SUPT3H: variants seen among roughly 807,000 people sequenced by gnomAD.
SUPT3H encodes SPT3 homolog, SAGA and STAGA complex component.
In SUPT3H, 44 loss-of-function variants were observed where a neutral mutation model predicts 44.3. The observed-to-expected ratio is 0.99, with a 90% confidence interval of 0.78 to 1.28. The LOEUF is 1.28. Ranked by LOEUF, SUPT3H falls within the 50% of genes most tolerant of loss-of-function variation. The pLI, the probability that SUPT3H is intolerant of heterozygous loss-of-function variation, is 0.00. For missense variants in SUPT3H, 380 were observed against 387.1 expected (o/e 0.98, Z 0.15); for synonymous variants, 124 against 125.6 (o/e 0.99, Z 0.09).
intron 2 of SUPT3H, among the ~76,000 whole-genome samples, chr6:45,204,910 C>T (rs1274197860): frequency 6.6e-6 from 1 of 152,172 alleles, no homozygotes; most frequent in Admixed American, 6.5e-5. Flanking sequence ...GATTCAGACC[C>T]TTCTTATTCC....
intron 2 of SUPT3H, among the ~76,000 whole-genome samples, chr6:45,343,704 A>T (rs1440750637): frequency 1.3e-5 from 2 of 152,152 alleles, no homozygotes; most frequent in Non-Finnish European, 2.9e-5. Context: ...AGCTTGTGAA[A>T]AGCCTTGATG....
intron 2 of SUPT3H, among the ~76,000 whole-genome samples, chr6:45,255,730 A>C (rs72858517): frequency 0.23 from 34,554 of 152,044 alleles, 4,612 homozygotes; most frequent in Non-Finnish European, 0.31. Flanking sequence ...GACTAGGTAG[A>C]TACTATTATT....
intron 10 of SUPT3H, among the ~76,000 whole-genome samples, chr6:44,857,675 C>A (rs1773962581): frequency 6.6e-6 from 1 of 152,068 alleles, no homozygotes; most frequent in Non-Finnish European, 1.5e-5. Context: ...ATTTTTCTTA[C>A]CTAGGATTAC....
rs569146815 is a variant in SUPT3H, at chr6:45,266,343, T to C, written c.101+98858A>G. 5.9e-5 allele frequency among the ~76,000 whole-genome samples: 9 copies of C among 152,002 alleles called. No homozygotes were observed. In the South Asian group the frequency reaches 1.7e-3, roughly 28 times the overall value. On this transcript the variant is annotated intron_variant, in intron 2 of 10. Transcript: ENST00000371459. ...CATGGACATCATAAATAATGAGTGC[T>C]TAGGACTTGGTAAAAATTTCTAATG...
chr6:45,195,771 A>T (rs1283828517), intron 2 of SUPT3H, among the ~76,000 whole-genome samples: 1 of 152,066 alleles, frequency 6.6e-6, no homozygotes, highest in Non-Finnish European at 1.5e-5. Flanking sequence ...TAGGGTACAT[A>T]TTATTTCTTT....
intron 9 of SUPT3H, among the ~76,000 whole-genome samples, chr6:44,946,426 C>T (rs1257671172): frequency 1.3e-5 from 2 of 152,148 alleles, no homozygotes; most frequent in African/African-American, 4.8e-5. Flanking sequence ...GGAAAGGATT[C>T]ATTATTCTAC....
rs1354056230 is a variant in SUPT3H at position 45,228,469 on chromosome 6, GGTT to G, written c.102-122466_102-122464del. Among the ~76,000 whole-genome samples the G allele has an allele frequency of 4.1e-3, 630 of 152,134 alleles. 5 individuals are homozygous for G. The highest frequency in any genetic ancestry group is 0.015 in the African/African-American group (604 of 41,486). On this transcript the variant is annotated intron_variant, in intron 2 of 10. Transcript: ENST00000371459. Reference sequence around the variant, plus strand: ...TAAACCTGAAACATTGCCTTTTCCTGGTTATATAGGAGCTTCTAGCCTTCAGAT... The same window carrying G: ...TAAACCTGAAACATTGCCTTTTCCTGATATAGGAGCTTCTAGCCTTCAGAT...
At chr6:45,009,263 T>C (rs531748396) in intron 5 of SUPT3H, among the ~76,000 whole-genome samples, 1 of 152,300 alleles carries the variant, frequency 6.6e-6, no homozygotes, top group Non-Finnish European at 1.5e-5. Flanking sequence ...AACATAAAAC[T>C]TTTAAAATTG....
intron 2 of SUPT3H, among the ~76,000 whole-genome samples, chr6:45,111,682 T>C (rs577874166): frequency 4.1e-4 from 63 of 152,294 alleles, no homozygotes; most frequent in African/African-American, 1.2e-3. Flanking sequence ...ATATGGGAAA[T>C]TTATTCCTTC....
chr6:45,329,404 C>T (rs1787001757), intron 2 of SUPT3H, among the ~76,000 whole-genome samples: 1 of 151,838 alleles, frequency 6.6e-6, no homozygotes, highest in East Asian at 1.9e-4. Flanking sequence ...TTATGATAAG[C>T]ACATCACAGC....
At chr6:45,079,505 G>T (rs2153557622) in intron 3 of SUPT3H, among the ~76,000 whole-genome samples, 1 of 151,802 alleles carries the variant, frequency 6.6e-6, no homozygotes, top group South Asian at 2.1e-4. Flanking sequence ...AAAAAGGAAG[G>T]AAGGAAAAAA....
chr6:45,062,693 G>A (rs1441188488), intron 3 of SUPT3H, among the ~76,000 whole-genome samples: 1 of 152,166 alleles, frequency 6.6e-6, no homozygotes, highest in East Asian at 1.9e-4. Context: ...TCAAAGAAAG[G>A]GGTGACGGAC....
At chr6:45,300,630 G>C (rs1234733231) in intron 2 of SUPT3H, among the ~76,000 whole-genome samples, 2 of 152,166 alleles carry the variant, frequency 1.3e-5, no homozygotes, top group African/African-American at 2.4e-5. Flanking sequence ...TGGGTTTGGA[G>C]TTATCCTATG....
At chr6:45,236,181 T>C (rs6937317) in intron 2 of SUPT3H, among the ~76,000 whole-genome samples, 61,532 of 151,984 alleles carry the variant, frequency 0.4, 12,896 homozygotes, top group East Asian at 0.71. Context: ...CATATGTCTT[T>C]AATTCCTCTA....
At chr6:44,888,226 A>G (rs1762655992) in intron 10 of SUPT3H, among the ~76,000 whole-genome samples, 1 of 152,238 alleles carries the variant, frequency 6.6e-6, no homozygotes, top group African/African-American at 2.4e-5. Context: ...AACTATTCCA[A>G]TCAACAGAAA....
intron 2 of SUPT3H, among the ~76,000 whole-genome samples, chr6:45,129,114 G>A (rs1404980562): frequency 6.6e-6 from 1 of 152,182 alleles, no homozygotes; most frequent in African/African-American, 2.4e-5. Context: ...ACTTGAATGT[G>A]GTTTACTGTA....
chr6:45,235,884 A>C (rs531404584), intron 2 of SUPT3H, among the ~76,000 whole-genome samples: 2 of 152,266 alleles, frequency 1.3e-5, no homozygotes, highest in South Asian at 4.1e-4. Flanking sequence ...ACCTGGCCCA[A>C]CCAGAGCAGA....
At chr6:45,027,776 C>T (rs1419670471) in intron 3 of SUPT3H, among the ~76,000 whole-genome samples, 1 of 152,084 alleles carries the variant, frequency 6.6e-6, no homozygotes, top group African/African-American at 2.4e-5. Context: ...TTATGTCATC[C>T]TTCTATTCAA....
At chr6:45,109,531 C>CA (rs11399494) in intron 2 of SUPT3H, among the ~76,000 whole-genome samples, 132,870 of 152,196 alleles carry the variant, frequency 0.87, 58,268 homozygotes, top group African/African-American at 0.92. Flanking sequence ...TGAGCATACA[C>CA]TGTAAAGTAA....
Sources: allele counts gnomAD v4.1 joint callset (sites outside exome capture counted in the v4.1 genomes callset), GRCh38; gene constraint gnomAD v4.1.1; transcripts MANE v1.5; gene names NCBI Gene and HGNC (gene_info 2026-07-23, HGNC 2026-07-21).